The following PHACTR1 variants were observed in gnomAD, a reference collection of about 807,000 sequenced individuals.
PHACTR1 encodes the protein RPEL repeat containing 1.
In PHACTR1, 16 loss-of-function variants were observed where a neutral mutation model predicts 69.2. The observed-to-expected ratio is 0.23, with a 90% CI of 0.16 to 0.35. The LOEUF (loss-of-function observed/expected upper bound fraction) is 0.35. PHACTR1 is among the 10% of genes least tolerant of loss of function. The probability of loss-of-function intolerance (pLI) is 1.00; values close to 1 mark genes in which losing one functional copy is unlikely to be tolerated. For synonymous variants in PHACTR1, 312 were observed against 284.5 expected, an observed-to-expected ratio of 1.10 and a Z score of -0.97; for missense variants, 510 against 734.7, an observed-to-expected ratio of 0.69 and a Z score of 3.54.
chr6:13,053,319 A>G (rs1320714802), intron 4 of PHACTR1, 46 bp from the exon 5 acceptor site: 1 of 1,531,194 alleles, frequency 6.5e-7, no homozygotes, highest in Admixed American at 2.1e-5. Flanking sequence ...CCATTTTAAC[A>G]CTTTTTTTCT....
intron 4 of PHACTR1, among the ~76,000 whole-genome samples, chr6:12,872,389 G>T (rs1337936982): frequency 6.6e-6 from 1 of 152,106 alleles, no homozygotes; most frequent in East Asian, 1.9e-4. Context: ...CTTACTGGAT[G>T]TTTGAAAATC....
At chr6:12,999,856 T>C (rs1386996736) in intron 4 of PHACTR1, among the ~76,000 whole-genome samples, 4 of 152,232 alleles carry the variant, frequency 2.6e-5, no homozygotes, top group Non-Finnish European at 5.9e-5. Context: ...TGTATTCCTT[T>C]ACATTATTTT....
intron 4 of PHACTR1, among the ~76,000 whole-genome samples, chr6:12,792,236 G>A (rs1330838315): frequency 1.3e-5 from 2 of 151,694 alleles, no homozygotes; most frequent in Non-Finnish European, 2.9e-5. Flanking sequence ...AGGCCAAGGT[G>A]GGCAGATCAC....
chr6:13,282,458 C>T (rs1252890487), intron 12 of PHACTR1, among the ~76,000 whole-genome samples: 1 of 152,128 alleles, frequency 6.6e-6, no homozygotes, highest in Non-Finnish European at 1.5e-5. Context: ...TCCTGCAGTC[C>T]TTCATCATGC....
chr6:13,083,734 T>TG (rs1464872373), intron 5 of PHACTR1, among the ~76,000 whole-genome samples: 1 of 152,174 alleles, frequency 6.6e-6, no homozygotes, highest in Non-Finnish European at 1.5e-5. Context: ...ACTCATGATT[T>TG]GGCTCTCTGT....
intron 4 of PHACTR1, among the ~76,000 whole-genome samples, chr6:12,869,102 G>A (rs1380620120): frequency 6.6e-6 from 1 of 152,062 alleles, no homozygotes; most frequent in Non-Finnish European, 1.5e-5. Context: ...TAATCTGCAT[G>A]TCCCTCAGAG....
intron 4 of PHACTR1, among the ~76,000 whole-genome samples, chr6:12,885,550 A>C (rs1452938697): frequency 1.3e-5 from 2 of 152,204 alleles, no homozygotes; most frequent in African/African-American, 2.4e-5. Flanking sequence ...AATAGCAAAG[A>C]TGCATTTTCT....
intron 5 of PHACTR1, among the ~76,000 whole-genome samples, chr6:13,125,618 T>C (rs1819412493): frequency 6.6e-6 from 1 of 152,236 alleles, no homozygotes; most frequent in South Asian, 2.1e-4. Context: ...TCTAGTGGTA[T>C]ATTTCTTGTG....
At chr6:13,086,083 T>TAAAAAAAA (rs776154642) in intron 5 of PHACTR1, among the ~76,000 whole-genome samples, 167 of 60,080 alleles carry the variant, frequency 2.8e-3, no homozygotes, top group East Asian at 7.9e-3. Context: ...TACACATTTC[T>TAAAAAAAA]AAAAAAAAAA....
intron 4 of PHACTR1, among the ~76,000 whole-genome samples, chr6:12,751,347 T>C (rs112886125): frequency 0.045 from 6,914 of 152,322 alleles, 203 homozygotes; most frequent in Non-Finnish European, 0.068. Context: ...CACTTTGGAA[T>C]TGTTAATCCC....
chr6:13,132,434 C>T (rs1212270356), intron 5 of PHACTR1, among the ~76,000 whole-genome samples: 3 of 152,158 alleles, frequency 2.0e-5, no homozygotes, highest in Admixed American at 6.5e-5. Flanking sequence ...TGCAGACACC[C>T]GTGCTCTCCC....
At chr6:13,097,989 C>T (rs1814555579) in intron 5 of PHACTR1, among the ~76,000 whole-genome samples, 1 of 152,166 alleles carries the variant, frequency 6.6e-6, no homozygotes, top group African/African-American at 2.4e-5. Flanking sequence ...TCCTGTTCTC[C>T]CACCTACTCA....
intron 4 of PHACTR1, chr6:12,957,430 C>A: frequency 1.0e-6 from 1 of 985,440 alleles, no homozygotes; most frequent in African/African-American, 1.7e-5. Context: ...GGGTTACTTT[C>A]TGTTTCATTT....
At chr6:12,861,704 A>G (rs1780957486) in intron 4 of PHACTR1, among the ~76,000 whole-genome samples, 1 of 152,214 alleles carries the variant, frequency 6.6e-6, no homozygotes, top group Non-Finnish European at 1.5e-5. Flanking sequence ...TTAGACTGCA[A>G]TTAACCATAC....
chr6:13,080,656 C>A (rs1263288153), intron 5 of PHACTR1, among the ~76,000 whole-genome samples: 2 of 152,112 alleles, frequency 1.3e-5, no homozygotes, highest in African/African-American at 4.8e-5. Flanking sequence ...GGAATGAACT[C>A]ATTTGATCAG....
rs188152875 is a variant in PHACTR1 at position 12,850,241 on chromosome 6, A to G, written c.250+100451A>G. Among the ~76,000 whole-genome samples, 4 of 152,320 alleles carry G rather than the reference A, an allele frequency of 2.6e-5. No homozygotes were observed. The East Asian group carries it at 7.7e-4, about 29-fold the overall frequency. ...GTCACAACTTCCAAGAAGCCACCAG[A>G]ATAACAATGGTTACTGCTGCCCTAG... On this transcript the variant is annotated intron_variant, in intron 4 of 14. Transcript: ENST00000332995.
chr6:13,002,165 C>G (rs1798168376), intron 4 of PHACTR1, among the ~76,000 whole-genome samples: 1 of 152,186 alleles, frequency 6.6e-6, no homozygotes, highest in Non-Finnish European at 1.5e-5. Flanking sequence ...TTGGAGAGCA[C>G]AGTGGCACAT....
intron 4 of PHACTR1, among the ~76,000 whole-genome samples, chr6:12,945,117 A>G (rs1402539233): frequency 1.3e-5 from 2 of 152,246 alleles, no homozygotes; most frequent in Non-Finnish European, 1.5e-5. Flanking sequence ...CTCTGGTTTT[A>G]GCAGCTTCAT....
At chr6:12,876,082 G>C (rs1388045690) in intron 4 of PHACTR1, among the ~76,000 whole-genome samples, 1 of 152,154 alleles carries the variant, frequency 6.6e-6, no homozygotes, top group African/African-American at 2.4e-5. Context: ...GAGCAGGTAA[G>C]GGCAGATTCA....
Sources: gnomAD v4.1 joint callset for allele counts (sites outside exome capture counted in the v4.1 genomes callset) on GRCh38, gnomAD v4.1.1 for gene constraint, MANE v1.5 for transcripts, NCBI Gene and HGNC (gene_info 2026-07-23, HGNC 2026-07-21) for gene names.